Variants in THEMIS observed in about 807,000 individuals in gnomAD.
The protein encoded by THEMIS is protein THEMIS.
In THEMIS, 37 loss-of-function variants were observed where a neutral mutation model predicts 52.6. That is an observed-to-expected ratio of 0.70 (90% confidence interval 0.54 to 0.93). THEMIS has a LOEUF of 0.93. THEMIS is among the 40% of genes least tolerant of loss of function. The pLI, the probability that THEMIS is intolerant of heterozygous loss-of-function variation, is 0.00. For synonymous variants in THEMIS, 292 were observed against 272.7 expected (o/e 1.07, Z -0.70); for missense variants, 808 against 763.1 (o/e 1.06, Z -0.69).
At chr6:127,830,857 G>A (rs973130012) in intron 2 of THEMIS, among the ~76,000 whole-genome samples, 2 of 152,242 alleles carry the variant, frequency 1.3e-5, no homozygotes, top group Admixed American at 6.5e-5. Context: ...AAAAGTATGT[G>A]CATAGGTCCA....
intron 4 of THEMIS, among the ~76,000 whole-genome samples, chr6:127,800,515 CT>C (rs1425209881): frequency 1.3e-5 from 2 of 152,210 alleles, no homozygotes. Flanking sequence ...AACCTTGCTT[CT>C]GTAAAACCAT....
chr6:127,706,723 A>G (rs1195942498), downstream of THEMIS, among the ~76,000 whole-genome samples: 2 of 152,186 alleles, frequency 1.3e-5, no homozygotes, highest in South Asian at 2.1e-4. Context: ...TTACAGTTTG[A>G]GATAGGGTGG....
intron 4 of THEMIS, among the ~76,000 whole-genome samples, chr6:127,798,985 C>T (rs1351283764): frequency 7.3e-6 from 1 of 137,624 alleles, no homozygotes; most frequent in African/African-American, 2.7e-5. Flanking sequence ...GAGCGAGACT[C>T]CGTCTCAAAA....
At chr6:127,809,990 C>T (rs951652416) in intron 4 of THEMIS, among the ~76,000 whole-genome samples, 3 of 151,326 alleles carry the variant, frequency 2.0e-5, no homozygotes, top group African/African-American at 7.3e-5. Context: ...GAATTGAACA[C>T]CAAGACTCCA....
intron 4 of THEMIS, among the ~76,000 whole-genome samples, chr6:127,755,447 T>A (rs894033589): frequency 1.1e-4 from 16 of 152,304 alleles, no homozygotes; most frequent in South Asian, 2.1e-4. Context: ...CATTTTTTTT[T>A]AAATTACCCT....
intron 4 of THEMIS, among the ~76,000 whole-genome samples, chr6:127,772,589 G>A (rs1166481471): frequency 6.6e-6 from 1 of 152,022 alleles, no homozygotes; most frequent in Non-Finnish European, 1.5e-5. Context: ...CCTCTAGAAA[G>A]AATTTGGATG....
At position 127,800,388 on chromosome 6, in the gene THEMIS, T is replaced by C. The variant is rs564748788; in HGVS notation, c.1758+12495A>G. Among the ~76,000 whole-genome samples the C allele has an allele frequency of 2.6e-5, 4 of 152,336 alleles. No homozygotes were observed. The East Asian group carries it at 7.7e-4, about 29-fold the overall frequency. On this transcript the variant is annotated intron_variant, in intron 4 of 5. Transcript: ENST00000368248. Reference sequence around the variant, plus strand: ...TTCTCAAAGGACATTATTTATCACATATTTGTTGACACTTGAATCATCATC... The same window carrying C: ...TTCTCAAAGGACATTATTTATCACACATTTGTTGACACTTGAATCATCATC...
At chr6:127,706,421 G>A (rs746308636), downstream of THEMIS, among the ~76,000 whole-genome samples, 105 of 152,004 alleles carry the variant, frequency 6.9e-4, no homozygotes, top group Non-Finnish European at 1.2e-3. Flanking sequence ...AGTAAACAGG[G>A]AGTCAGTATT....
chr6:127,736,652 A>G (rs1775015987), intron 4 of THEMIS, among the ~76,000 whole-genome samples: 1 of 152,186 alleles, frequency 6.6e-6, no homozygotes, highest in African/African-American at 2.4e-5. Context: ...AATGCAAATC[A>G]AATTGGAGTC....
At chr6:127,814,897 C>T (rs1778071719) in intron 3 of THEMIS, among the ~76,000 whole-genome samples, 1 of 152,120 alleles carries the variant, frequency 6.6e-6, no homozygotes, top group South Asian at 2.1e-4. Context: ...TGTCTTATGC[C>T]TGTAATCCCA....
chr6:127,774,740 C>T (rs939028899), intron 4 of THEMIS, among the ~76,000 whole-genome samples: 1 of 152,168 alleles, frequency 6.6e-6, no homozygotes, highest in African/African-American at 2.4e-5. Context: ...ACCAATCTGC[C>T]TAAACCCCCA....
intron 4 of THEMIS, among the ~76,000 whole-genome samples, chr6:127,796,885 T>G (rs1282651611): frequency 6.6e-6 from 1 of 152,226 alleles, no homozygotes; most frequent in Non-Finnish European, 1.5e-5. Flanking sequence ...TTCAAATCTC[T>G]GTGAACTAGT....
chr6:127,741,025 A>G (rs1775185155), intron 4 of THEMIS, among the ~76,000 whole-genome samples: 1 of 152,210 alleles, frequency 6.6e-6, no homozygotes, highest in African/African-American at 2.4e-5. Context: ...TAAATTTTAT[A>G]GATAACATCT....
intron 2 of THEMIS, among the ~76,000 whole-genome samples, chr6:127,843,673 G>T (rs540405556): frequency 3.7e-4 from 56 of 151,998 alleles, no homozygotes; most frequent in African/African-American, 1.3e-3. Context: ...TCACACCCTT[G>T]TTCAGTGCCC....
intron 4 of THEMIS, among the ~76,000 whole-genome samples, chr6:127,785,262 T>C (rs623345): frequency 0.13 from 19,347 of 146,502 alleles, 1,807 homozygotes; most frequent in African/African-American, 0.22. Context: ...CATCTATCTA[T>C]TTATCACCTA....
At chr6:127,752,520 T>G in intron 4 of THEMIS, among the ~76,000 whole-genome samples, 1 of 151,362 alleles carries the variant, frequency 6.6e-6, no homozygotes, top group East Asian at 1.9e-4. Context: ...GATGAACAAA[T>G]ATACACCAAC....
intron 4 of THEMIS, among the ~76,000 whole-genome samples, chr6:127,764,955 T>C (rs1035138287): frequency 6.6e-6 from 1 of 152,048 alleles, no homozygotes; most frequent in Non-Finnish European, 1.5e-5. Flanking sequence ...TCATTAACTG[T>C]GAATTTGAAA....
Position 127,709,738 on chromosome 6 carries a change from G to C in THEMIS, c.*247C>G, listed in dbSNP as rs1393182101. On this transcript the variant is annotated 3_prime_UTR_variant, in exon 6 of 6. Transcript: ENST00000368248. ...AAAAATGTGCAAGTTAAATAAATAC[G>C]TCCTAAAGAACAACAACACAATGCC... is the stretch of plus-strand genomic sequence containing the variant. The C allele has an allele frequency of 2.8e-6, 1 of 357,706 alleles. No individual in the cohort carries two copies. Among genetic ancestry groups the C allele is most frequent in the Non-Finnish European group, 5.0e-6 (1 of 199,404 alleles). 22.2% of individuals were successfully genotyped at this position (357,706 alleles called of 1,614,324 possible).
chr6:127,795,800 G>A (rs953267983), intron 4 of THEMIS, among the ~76,000 whole-genome samples: 2 of 152,086 alleles, frequency 1.3e-5, no homozygotes, highest in Non-Finnish European at 2.9e-5. Context: ...TTGCTTTTGC[G>A]CCAACCTAAT....
Sources: allele counts gnomAD v4.1 joint callset (sites outside exome capture counted in the v4.1 genomes callset), GRCh38; gene constraint gnomAD v4.1.1; transcripts MANE v1.5; gene names NCBI Gene and HGNC (gene_info 2026-07-23, HGNC 2026-07-21).